The following ETS1 variants were observed in gnomAD, a reference collection of about 807,000 sequenced individuals.
ETS1 encodes the protein ETS proto-oncogene 1, transcription factor, also known as protein C-ets-1.
ETS1 carries 15 observed loss-of-function variants against 58.6 expected under a neutral mutation model. The ratio of observed to expected loss-of-function variants is 0.26; its 90% CI spans 0.17 to 0.39. ETS1 has a LOEUF of 0.39. Ranked by LOEUF, ETS1 falls within the 10% of genes least tolerant of loss-of-function variation. The pLI is 1.00. For missense variants in ETS1, 417 were observed against 610.5 expected (o/e 0.68, Z 3.34); for synonymous variants, 214 against 218.2 (o/e 0.98, Z 0.17).
intron 3 of ETS1, among the ~76,000 whole-genome samples, chr11:128,513,858 C>T (rs1390724862): frequency 6.6e-6 from 1 of 152,098 alleles, no homozygotes; most frequent in Admixed American, 6.5e-5. Flanking sequence ...TTAAGACCAG[C>T]CTGGGCAACA....
rs115141699 is a variant in ETS1, at chr11:128,464,108, G to A, written c.1124-481C>T. On this transcript the variant is annotated intron_variant, in intron 8 of 9. Transcript: ENST00000392668. This position sits in a 1 kb window ranked among gnomAD's most constrained non-coding sequence, Gnocchi z 4.1. ...AGGGAGCCTGTGGCCCCTGATTTGTGAGTAAGAAGGATCACTATCCTCCGG... is the reference window on the plus strand; with the variant it reads ...AGGGAGCCTGTGGCCCCTGATTTGTAAGTAAGAAGGATCACTATCCTCCGG... Among the ~76,000 whole-genome samples the A allele has an allele frequency of 6.6e-6, 1 of 151,904 alleles. No individual in the cohort carries two copies. The highest frequency in any genetic ancestry group is 1.5e-5 in the Non-Finnish European group (1 of 67,980).
intron 3 of ETS1, among the ~76,000 whole-genome samples, chr11:128,550,468 G>A (rs989561617): frequency 3.3e-5 from 5 of 152,234 alleles, no homozygotes; most frequent in Non-Finnish European, 5.9e-5. Flanking sequence ...CTGACAGAGC[G>A]AGTGTGCGGG....
At chr11:128,509,045 A>T (rs1161529038) in intron 3 of ETS1, among the ~76,000 whole-genome samples, 1 of 152,134 alleles carries the variant, frequency 6.6e-6, no homozygotes, top group Admixed American at 6.5e-5. Context: ...CAATCTCATT[A>T]AAAAAACTAA....
chr11:128,512,912 T>C (rs1195170054), intron 3 of ETS1, among the ~76,000 whole-genome samples: 3 of 152,382 alleles, frequency 2.0e-5, no homozygotes, highest in East Asian at 1.9e-4. Flanking sequence ...ACTAGCTGCT[T>C]CACCTACTGA....
chr11:128,518,032 T>C (rs1310689246), intron 3 of ETS1, among the ~76,000 whole-genome samples: 1 of 152,206 alleles, frequency 6.6e-6, no homozygotes, highest in Non-Finnish European at 1.5e-5. Flanking sequence ...CCATCAACCC[T>C]GCAAATGTTC....
rs1161165480 is a variant in ETS1, at chr11:128,581,037, AAG to A, written c.-15+6449_-15+6450del. On this transcript the variant is annotated intron_variant, in intron 1 of 9. Coordinates refer to ENST00000392668, the MANE Select transcript of ETS1 (RefSeq NM_001143820.2). ...AGTAACTCGCTACTATCTCCTGAAAAAGAGAAAGACTAGAAGATGTTTTACTC... is the reference window on the plus strand; with the variant it reads ...AGTAACTCGCTACTATCTCCTGAAAAAGAAAGACTAGAAGATGTTTTACTC... 2.0e-5 allele frequency among the ~76,000 whole-genome samples: 3 copies of A among 152,306 alleles called. No individual in the cohort carries two copies. In the East Asian group the frequency reaches 5.8e-4, roughly 29 times the overall value.
At chr11:128,520,445 C>T (rs1217563504) in intron 3 of ETS1, among the ~76,000 whole-genome samples, 2 of 152,218 alleles carry the variant, frequency 1.3e-5, no homozygotes, top group African/African-American at 4.8e-5. Context: ...AGGAAAGGAC[C>T]TATTAGTTGA....
At chr11:128,558,884 C>G (rs1403623381) in intron 2 of ETS1, among the ~76,000 whole-genome samples, 5 of 152,136 alleles carry the variant, frequency 3.3e-5, no homozygotes, top group African/African-American at 1.2e-4. Context: ...ATAAATCAAG[C>G]CTTGTGCTCT....
chr11:128,480,385 T>C lies in ETS1; in HGVS notation c.929A>G (p.Gln310Arg). 2 of 1,613,918 alleles carry C rather than the reference T, an allele frequency of 1.2e-6. No individual in the cohort carries two copies. The highest frequency in any genetic ancestry group is 1.7e-6 in the Non-Finnish European group (2 of 1,179,962). Residue 310 changes from glutamine (Q) to arginine (R), a missense_variant, in exon 8 of 10, where the codon CAG becomes CGG. By Grantham distance (43) the Gln-to-Arg change is conservative. Transcript: ENST00000392668. The stretch of plus-strand genomic sequence containing the variant: ...GAAAGATGACTGGCTGCTCCAGGAC[T>C]GGGTGAGGCGATCACAACTATCGTA... ...ESYDSCDRLT[Q>R]SWSSQSSFNS...
intron 2 of ETS1, among the ~76,000 whole-genome samples, chr11:128,564,477 G>A (rs1190755252): frequency 6.6e-6 from 1 of 152,038 alleles, no homozygotes; most frequent in Non-Finnish European, 1.5e-5. Context: ...CTTCCCTAGG[G>A]ACCCCCTGGG....
At chr11:128,556,210 A>G in intron 3 of ETS1, 81 bp downstream of exon 3, 3 of 1,223,132 alleles carry the variant, frequency 2.5e-6, no homozygotes, top group Non-Finnish European at 3.4e-6. Context: ...GGCAGCTGTT[A>G]TTTGAAAGAA....
At chr11:128,534,243 G>T in intron 3 of ETS1, among the ~76,000 whole-genome samples, 1 of 152,042 alleles carries the variant, frequency 6.6e-6, no homozygotes, top group Non-Finnish European at 1.5e-5. Context: ...TTAATCTTTA[G>T]ACCATAAAAA....
intron 8 of ETS1, among the ~76,000 whole-genome samples, chr11:128,471,778 A>C (rs1862194121): frequency 6.6e-6 from 1 of 152,222 alleles, no homozygotes; most frequent in African/African-American, 2.4e-5. Context: ...GAGAAGAAAG[A>C]AAGATATGTT....
intron 7 of ETS1, among the ~76,000 whole-genome samples, chr11:128,482,454 C>T (rs1380999485): frequency 6.6e-6 from 1 of 152,158 alleles, no homozygotes; most frequent in East Asian, 1.9e-4. Context: ...TTCTATCAGC[C>T]AATTTTATAC....
At chr11:128,507,381 CAT>C in intron 3 of ETS1, among the ~76,000 whole-genome samples, 1 of 152,304 alleles carries the variant, frequency 6.6e-6, no homozygotes, top group African/African-American at 2.4e-5. Context: ...GAATTCAAGA[CAT>C]AATTCTCTGA....
At chr11:128,537,995 G>T (rs1384150240) in intron 3 of ETS1, among the ~76,000 whole-genome samples, 1 of 152,144 alleles carries the variant, frequency 6.6e-6, no homozygotes, top group Non-Finnish European at 1.5e-5. Context: ...TGGATTCACA[G>T]TATTTATTCC....
At chr11:128,557,871 C>T (rs1446874958) in intron 2 of ETS1, among the ~76,000 whole-genome samples, 1 of 152,196 alleles carries the variant, frequency 6.6e-6, no homozygotes, top group African/African-American at 2.4e-5. Flanking sequence ...CTTACGTCTT[C>T]TCTTCTTCTG....
intron 8 of ETS1, among the ~76,000 whole-genome samples, chr11:128,465,865 C>A (rs1160724445): frequency 6.6e-6 from 1 of 152,216 alleles, no homozygotes; most frequent in Non-Finnish European, 1.5e-5. Flanking sequence ...TACCACTTCA[C>A]AGCAGAGAAA....
chr11:128,569,318 C>CTTTGTTTTTTTTTTTTTTTTTTTTTTTT lies in ETS1; in HGVS notation c.69+3743_69+3744insAAAAAAAAAAAAAAAAAAAAAAAACAAA, dbSNP rs1864575062. On this transcript the variant is annotated intron_variant, in intron 2 of 9. Coordinates refer to ENST00000392668, the MANE Select transcript of ETS1 (RefSeq NM_001143820.2). ...TACCATACATGGGACAGAGTTTCTT[C>CTTTGTTTTTTTTTTTTTTTTTTTTTTTT]TTTTTTTTTTTTTTTTTTTTTTTTG... 5.1e-5 allele frequency among the ~76,000 whole-genome samples: 2 copies of CTTTGTTTTTTTTTTTTTTTTTTTTTTTT among 39,462 alleles called. 1 individual carries two copies. Among genetic ancestry groups the CTTTGTTTTTTTTTTTTTTTTTTTTTTTT allele is most frequent in the Non-Finnish European group, 8.9e-5 (2 of 22,442 alleles). 25.9% of individuals were successfully genotyped at this position (39,462 alleles called of 152,430 possible).
Sources: gnomAD v4.1 joint callset for allele counts (sites outside exome capture counted in the v4.1 genomes callset) on GRCh38, gnomAD v4.1.1 for gene constraint, Gnocchi (gnomAD v3.1) non-coding constraint, MANE v1.5 for transcripts, NCBI Gene and HGNC (gene_info 2026-07-23, HGNC 2026-07-21) for gene names.